CNTNAP2: variants seen among roughly 807,000 people sequenced by gnomAD.
CNTNAP2 encodes the protein contactin associated protein 2.
A neutral mutation model predicts 155.2 loss-of-function variants in CNTNAP2; 98 were observed. The ratio of observed to expected loss-of-function variants is 0.63; its 90% CI spans 0.54 to 0.75. The LOEUF (loss-of-function observed/expected upper bound fraction) is 0.75, where lower values mean the gene tolerates loss of function less well. Among genes scored for constraint, CNTNAP2 ranks in the 30% least tolerant of loss-of-function variants. The pLI is 0.00. For missense variants in CNTNAP2, 1,727 were observed against 1,688.1 expected (o/e 1.02, Z -0.40); for synonymous variants, 651 against 631.2 (o/e 1.03, Z -0.47).
At chr7:148,142,093 CTGTG>C (rs71527881) in intron 16 of CNTNAP2, among the ~76,000 whole-genome samples, 4,600 of 136,364 alleles carry the variant, frequency 0.034, 138 homozygotes, top group East Asian at 0.12. Flanking sequence ...AGATATGTCT[CTGTG>C]TGTGTGTGTG....
At chr7:148,068,883 G>T (rs1217452450) in intron 15 of CNTNAP2, among the ~76,000 whole-genome samples, 1 of 152,080 alleles carries the variant, frequency 6.6e-6, no homozygotes, top group East Asian at 1.9e-4. Flanking sequence ...AGACTTAAGG[G>T]ACACTTCTGC....
At chr7:147,705,775 G>A (rs1006855548) in intron 13 of CNTNAP2, among the ~76,000 whole-genome samples, 1 of 152,090 alleles carries the variant, frequency 6.6e-6, no homozygotes, top group Non-Finnish European at 1.5e-5. Flanking sequence ...ATATCCACTT[G>A]CTGAGTTGAT....
chr7:146,785,019 G>C (rs62481399), intron 2 of CNTNAP2, among the ~76,000 whole-genome samples: 2 of 150,260 alleles, frequency 1.3e-5, no homozygotes, highest in South Asian at 4.2e-4. Context: ...ACCCAGGCTA[G>C]AGTGCAGTGG....
chr7:146,692,186 A>G (rs1800709986), intron 1 of CNTNAP2, among the ~76,000 whole-genome samples: 1 of 152,150 alleles, frequency 6.6e-6, no homozygotes, highest in South Asian at 2.1e-4. Flanking sequence ...GTCTTGTAAA[A>G]ATGCTTTTCT....
chr7:146,499,532 G>A (rs1797269353), intron 1 of CNTNAP2, among the ~76,000 whole-genome samples: 1 of 152,050 alleles, frequency 6.6e-6, no homozygotes, highest in Non-Finnish European at 1.5e-5. Flanking sequence ...TGACTATTTT[G>A]TGTCATTTGC....
intron 12 of CNTNAP2, among the ~76,000 whole-genome samples, chr7:147,627,240 G>C (rs564723310): frequency 2.6e-5 from 4 of 152,196 alleles, no homozygotes; most frequent in African/African-American, 9.6e-5. Flanking sequence ...AGTAATTCTG[G>C]TAATGTAACA....
intron 12 of CNTNAP2, among the ~76,000 whole-genome samples, chr7:147,615,387 A>C (rs1232934297): frequency 1.3e-5 from 2 of 149,460 alleles, no homozygotes; most frequent in Non-Finnish European, 3.0e-5. Context: ...TGGCTGAGGC[A>C]GGAGGAGTTC....
At chr7:146,208,997 T>C (rs2116880276) in intron 1 of CNTNAP2, among the ~76,000 whole-genome samples, 1 of 152,130 alleles carries the variant, frequency 6.6e-6, no homozygotes, top group Admixed American at 6.6e-5. Context: ...AGGCAGGCAT[T>C]AGCCACCTTT....
At chr7:147,357,691 C>T (rs1796087543) in intron 9 of CNTNAP2, among the ~76,000 whole-genome samples, 1 of 152,076 alleles carries the variant, frequency 6.6e-6, no homozygotes, top group Non-Finnish European at 1.5e-5. Context: ...GCTTAGCAGA[C>T]TTCCCACTGG....
chr7:146,950,215 A>C (rs1797281160), intron 3 of CNTNAP2, among the ~76,000 whole-genome samples: 1 of 152,216 alleles, frequency 6.6e-6, no homozygotes, highest in African/African-American at 2.4e-5. Context: ...CTTTCTTTAA[A>C]GATGTTTATA....
chr7:146,236,596 T>G (rs1391691438), intron 1 of CNTNAP2, among the ~76,000 whole-genome samples: 2 of 152,166 alleles, frequency 1.3e-5, no homozygotes, highest in Non-Finnish European at 2.9e-5. Flanking sequence ...AAATGTATGT[T>G]TGACTTCTGA....
At chr7:147,347,103 A>C (rs1795876447) in intron 9 of CNTNAP2, among the ~76,000 whole-genome samples, 1 of 152,162 alleles carries the variant, frequency 6.6e-6, no homozygotes. Flanking sequence ...GGGTAAAATT[A>C]TCTTATCTGT....
At chr7:148,170,847 G>A (rs190234028) in intron 17 of CNTNAP2, among the ~76,000 whole-genome samples, 2 of 152,284 alleles carry the variant, frequency 1.3e-5, no homozygotes, top group African/African-American at 4.8e-5. Flanking sequence ...TAGAGTAAGT[G>A]ATCAGAATCA....
chr7:147,908,751 G>C (rs1002315684), intron 14 of CNTNAP2, among the ~76,000 whole-genome samples: 3 of 152,106 alleles, frequency 2.0e-5, no homozygotes, highest in Admixed American at 1.3e-4. Flanking sequence ...AAAAATAAAG[G>C]TTCTATTAAA....
intron 8 of CNTNAP2, among the ~76,000 whole-genome samples, chr7:147,154,884 C>G (rs559833570): frequency 6.6e-6 from 1 of 151,836 alleles, no homozygotes; most frequent in African/African-American, 2.4e-5. Flanking sequence ...ATTATGTCTT[C>G]GATTCATTAT....
At chr7:148,204,615 GA>G (rs1253594291) in intron 18 of CNTNAP2, among the ~76,000 whole-genome samples, 2 of 152,296 alleles carry the variant, frequency 1.3e-5, no homozygotes, top group Middle Eastern at 3.4e-3. Context: ...TACTGGTAGA[GA>G]AAAATAAAAT....
chr7:146,415,843 A>G (rs1044642636), intron 1 of CNTNAP2, among the ~76,000 whole-genome samples: 17 of 152,164 alleles, frequency 1.1e-4, no homozygotes, highest in Non-Finnish European at 5.9e-5. Context: ...TATAAAATCA[A>G]ATTGTTTTCA....
At chr7:147,409,454 T>A (rs1235416294) in intron 10 of CNTNAP2, among the ~76,000 whole-genome samples, 1 of 152,020 alleles carries the variant, frequency 6.6e-6, no homozygotes, top group Non-Finnish European at 1.5e-5. Context: ...CACTTTGCAA[T>A]ACAACATATG....
intron 4 of CNTNAP2, among the ~76,000 whole-genome samples, chr7:147,071,462 C>T (rs951313475): frequency 2.0e-5 from 3 of 152,092 alleles, no homozygotes; most frequent in African/African-American, 7.2e-5. Context: ...AATTATCTCT[C>T]TACATAACTG....
Sources: allele counts gnomAD v4.1 joint callset (sites outside exome capture counted in the v4.1 genomes callset), GRCh38; gene constraint gnomAD v4.1.1; transcripts MANE v1.5; gene names NCBI Gene and HGNC (gene_info 2026-07-23, HGNC 2026-07-21).